GPHN: variants seen among roughly 807,000 people sequenced by gnomAD.
The protein encoded by GPHN is gephyrin.
A neutral mutation model predicts 95.5 loss-of-function variants in GPHN; 17 were observed. The ratio of observed to expected loss-of-function variants is 0.18; its 90% CI spans 0.12 to 0.27. The LOEUF is 0.27. Ranked by LOEUF, GPHN falls within the 10% of genes least tolerant of loss-of-function variation. The pLI is 1.00. For missense variants in GPHN, 660 were observed against 978.1 expected (o/e 0.67, Z 4.34); for synonymous variants, 320 against 322.5 (o/e 0.99, Z 0.08).
At chr14:67,585,813 T>TGA in the GPHN span, 5 of 1,054,050 alleles carry the variant, frequency 4.7e-6, no homozygotes, top group African/African-American at 8.0e-5. Flanking sequence ...TGCTTGTAGA[T>TGA]ATTCAAGATG....
At chr14:67,187,232 A>T in the GPHN span, among the ~76,000 whole-genome samples, 1 of 152,338 alleles carries the variant, frequency 6.6e-6, no homozygotes, top group Admixed American at 6.5e-5. Context: ...ATCATTTACT[A>T]AACAGTTGAA....
chr14:66,783,569 C>T (rs1478844227), intron 3 of GPHN, among the ~76,000 whole-genome samples: 1 of 152,176 alleles, frequency 6.6e-6, no homozygotes, highest in East Asian at 1.9e-4. Context: ...TAAGTGAGGC[C>T]TGGCAGAGAG....
the GPHN span, among the ~76,000 whole-genome samples, chr14:67,207,041 TA>T: frequency 6.6e-6 from 1 of 152,194 alleles, no homozygotes. Context: ...AAATACGCTA[TA>T]ATAAATATGT....
At chr14:67,317,325 G>T in the GPHN span, 5 of 1,207,648 alleles carry the variant, frequency 4.1e-6, no homozygotes, top group Non-Finnish European at 5.9e-6. Flanking sequence ...ATAAATGAAT[G>T]AATAAATAGA....
chr14:66,875,650 A>G (rs892721114), intron 4 of GPHN, among the ~76,000 whole-genome samples: 24 of 152,294 alleles, frequency 1.6e-4, no homozygotes, highest in African/African-American at 5.5e-4. Flanking sequence ...AAGATCAAAA[A>G]AGACAAAGAA....
At chr14:66,894,645 G>A (rs1015034451) in intron 5 of GPHN, among the ~76,000 whole-genome samples, 1 of 152,038 alleles carries the variant, frequency 6.6e-6, no homozygotes, top group Non-Finnish European at 1.5e-5. Flanking sequence ...AATCTACAAA[G>A]CACTCAAACA....
At chr14:67,036,501 GCACA>G (rs762967467) in intron 10 of GPHN, among the ~76,000 whole-genome samples, 3,232 of 118,140 alleles carry the variant, frequency 0.027, 56 homozygotes, top group East Asian at 0.036. Flanking sequence ...ATACATACAT[GCACA>G]CACACACACA....
intron 8 of GPHN, among the ~76,000 whole-genome samples, chr14:66,929,791 A>G (rs148344772): frequency 0.019 from 2,859 of 151,100 alleles, 78 homozygotes; most frequent in African/African-American, 0.066. Context: ...GGCTCACTGC[A>G]GTCTCTGCCT....
intron 4 of GPHN, among the ~76,000 whole-genome samples, chr14:66,830,119 A>G (rs1437237635): frequency 6.6e-6 from 1 of 152,130 alleles, no homozygotes; most frequent in African/African-American, 2.4e-5. Context: ...AGCCTGACGT[A>G]TTTATCATCT....
intron 8 of GPHN, among the ~76,000 whole-genome samples, chr14:66,934,491 A>G (rs527956345): frequency 6.6e-5 from 10 of 152,334 alleles, no homozygotes; most frequent in African/African-American, 1.9e-4. Flanking sequence ...TTAATACTGT[A>G]TAATCAACAT....
chr14:67,646,235 TAC>T, the GPHN span, among the ~76,000 whole-genome samples: 2 of 152,312 alleles, frequency 1.3e-5, no homozygotes, highest in Non-Finnish European at 2.9e-5. Flanking sequence ...ACCAGGACAC[TAC>T]AAAGATTATT....
the GPHN span, chr14:67,586,661 C>T: frequency 4.3e-5 from 20 of 469,800 alleles, no homozygotes; most frequent in Non-Finnish European, 6.8e-5. Context: ...TTGTTCCTGA[C>T]TCCCGTGTGA....
intron 1 of GPHN, among the ~76,000 whole-genome samples, chr14:66,589,380 A>T (rs2061548389): frequency 6.6e-6 from 1 of 152,198 alleles, no homozygotes. Flanking sequence ...TTCACACATA[A>T]TATTTATATA....
chr14:66,785,171 C>T (rs2059729868), intron 3 of GPHN, among the ~76,000 whole-genome samples: 1 of 152,088 alleles, frequency 6.6e-6, no homozygotes, highest in African/African-American at 2.4e-5. Flanking sequence ...AGTTCTAGAC[C>T]AGCCTGGCCA....
intron 18 of GPHN, among the ~76,000 whole-genome samples, chr14:67,157,960 T>C (rs1268713982): frequency 6.6e-6 from 1 of 151,608 alleles, no homozygotes; most frequent in African/African-American, 2.4e-5. Context: ...CTGGGTGAGA[T>C]GGATGAGAAC....
intron 1 of GPHN, among the ~76,000 whole-genome samples, chr14:66,541,039 C>T (rs2059336169): frequency 6.6e-6 from 1 of 152,124 alleles, no homozygotes; most frequent in Non-Finnish European, 1.5e-5. Context: ...CCTCTGCCTC[C>T]CGGGTTCAAG....
chr14:66,550,202 C>T (rs771180592), intron 1 of GPHN, among the ~76,000 whole-genome samples: 2 of 152,116 alleles, frequency 1.3e-5, no homozygotes, highest in East Asian at 1.9e-4. Context: ...AAAAACCTTC[C>T]GGAAGGAATT....
intron 10 of GPHN, among the ~76,000 whole-genome samples, chr14:67,029,464 A>G (rs971902405): frequency 5.3e-5 from 8 of 151,998 alleles, no homozygotes; most frequent in Admixed American, 4.6e-4. Flanking sequence ...CAGCCTCCCA[A>G]GTAGCTGGGA....
At chr14:66,765,462 TGCA>T (rs2058929055) in intron 2 of GPHN, among the ~76,000 whole-genome samples, 2 of 152,174 alleles carry the variant, frequency 1.3e-5, no homozygotes. Context: ...GCATGTCTTT[TGCA>T]GCAGCCTTTG....
Sources: allele counts gnomAD v4.1 joint callset (sites outside exome capture counted in the v4.1 genomes callset), GRCh38; gene constraint gnomAD v4.1.1; transcripts MANE v1.5; gene names NCBI Gene and HGNC (gene_info 2026-07-23, HGNC 2026-07-21).